Variants in ADAMTS6 observed in about 807,000 individuals in gnomAD.
ADAMTS6 encodes A disintegrin and metalloproteinase with thrombospondin motifs 6.
A neutral mutation model predicts 144.3 loss-of-function variants in ADAMTS6; 23 were observed. That is an observed-to-expected ratio of 0.16 (90% CI 0.11 to 0.23). The LOEUF is 0.23. ADAMTS6 is among the 10% of genes least tolerant of loss of function. ADAMTS6 has a pLI of 1.00. For synonymous variants in ADAMTS6, 444 were observed against 457.5 expected (o/e 0.97, Z 0.38); for missense variants, 999 against 1,379.6 (o/e 0.72, Z 4.37).
chr5:65,178,957 G>A (rs968323704), intron 22 of ADAMTS6, among the ~76,000 whole-genome samples: 7 of 152,072 alleles, frequency 4.6e-5, no homozygotes, highest in Non-Finnish European at 7.4e-5. Context: ...CTCAACCTCC[G>A]AGACCATCCT....
At chr5:65,439,703 T>C (rs1757721779) in intron 7 of ADAMTS6, among the ~76,000 whole-genome samples, 1 of 152,186 alleles carries the variant, frequency 6.6e-6, no homozygotes. Context: ...AGACAACTGA[T>C]AAAATTTGAG....
intron 11 of ADAMTS6, among the ~76,000 whole-genome samples, chr5:65,284,253 G>C (rs1487122169): frequency 2.6e-5 from 4 of 151,968 alleles, no homozygotes; most frequent in African/African-American, 9.7e-5. Flanking sequence ...CCAGGGAAAG[G>C]ATACCTTGAT....
chr5:65,177,810 A>G (rs111636087), intron 22 of ADAMTS6, among the ~76,000 whole-genome samples: 18,321 of 152,276 alleles, frequency 0.12, 1,577 homozygotes, highest in African/African-American at 0.24. Flanking sequence ...ATGGCAGGCC[A>G]GAGGCCCAGA....
intron 7 of ADAMTS6, among the ~76,000 whole-genome samples, chr5:65,394,689 G>A (rs1244375999): frequency 2.0e-5 from 3 of 151,994 alleles, no homozygotes; most frequent in Non-Finnish European, 4.4e-5. Context: ...TCAATGATAT[G>A]GATCTAATAT....
At chr5:65,244,836 T>C (rs1219601604) in intron 14 of ADAMTS6, among the ~76,000 whole-genome samples, 1 of 152,158 alleles carries the variant, frequency 6.6e-6, no homozygotes, top group Non-Finnish European at 1.5e-5. Context: ...TTAGCTTCCT[T>C]AAAATGTACA....
At chr5:65,372,680 C>A (rs1271336353) in intron 7 of ADAMTS6, among the ~76,000 whole-genome samples, 1 of 152,130 alleles carries the variant, frequency 6.6e-6, no homozygotes, top group East Asian at 1.9e-4. Flanking sequence ...ACCCCACTGT[C>A]AACATTAGAC....
At chr5:65,306,960 A>G (rs1005635823) in intron 9 of ADAMTS6, among the ~76,000 whole-genome samples, 2 of 152,200 alleles carry the variant, frequency 1.3e-5, no homozygotes, top group Non-Finnish European at 2.9e-5. Flanking sequence ...AGTAGCAAAT[A>G]TCTTTTCCTC....
intron 7 of ADAMTS6, among the ~76,000 whole-genome samples, chr5:65,407,845 A>G (rs1190955252): frequency 2.0e-5 from 3 of 152,334 alleles, no homozygotes; most frequent in Non-Finnish European, 2.9e-5. Context: ...CTTGGAATCA[A>G]CATTATTAAA....
At chr5:65,348,418 T>C (rs1748548644) in intron 7 of ADAMTS6, among the ~76,000 whole-genome samples, 1 of 152,008 alleles carries the variant, frequency 6.6e-6, no homozygotes, top group Non-Finnish European at 1.5e-5. Context: ...GAGGGACAAA[T>C]ACTGTATGGT....
At chr5:65,319,373 C>T (rs1745310882) in intron 9 of ADAMTS6, among the ~76,000 whole-genome samples, 1 of 151,234 alleles carries the variant, frequency 6.6e-6, no homozygotes, top group Non-Finnish European at 1.5e-5. Flanking sequence ...AAGGAGTAGA[C>T]AATGAAATAG....
At chr5:65,225,995 T>C in intron 16 of ADAMTS6, 91 bp downstream of exon 16, 5 of 1,345,188 alleles carry the variant, frequency 3.7e-6, no homozygotes, top group Non-Finnish European at 4.9e-6. Context: ...CCCCTTTTTT[T>C]AAAAAATTAA....
intron 24 of ADAMTS6, among the ~76,000 whole-genome samples, chr5:65,158,121 G>C (rs1270916128): frequency 6.6e-6 from 1 of 152,124 alleles, no homozygotes; most frequent in Non-Finnish European, 1.5e-5. Context: ...CATGCTAAGT[G>C]AATTACGAAC....
At chr5:65,447,491 C>A (rs1472186543) in intron 7 of ADAMTS6, among the ~76,000 whole-genome samples, 2 of 151,950 alleles carry the variant, frequency 1.3e-5, no homozygotes, top group African/African-American at 4.8e-5. Context: ...AATTTTAAAA[C>A]AACAAAATAC....
Position 65,224,961 on chromosome 5 carries a change from G to A in ADAMTS6, c.2154C>T (p.Ala718=). 1 of 1,613,868 alleles carries A rather than the reference G, an allele frequency of 6.2e-7. No individual in the cohort carries two copies. The change falls in exon 17 of 25, where the codon GCC becomes GCT. Residue 718 remains alanine (A), a synonymous_variant. Coordinates refer to ENST00000381055, the MANE Select transcript of ADAMTS6 (RefSeq NM_197941.4). ...VCGGDGSTCD[A]IEGFFNDSLP... is the part of the protein sequence containing the mutation. ...GTGAATCATTGAAGAACCCTTCAAT[G>A]GCATCACATGTGCTTCCGTCCCCTC...
At position 65,397,272 on chromosome 5, in the gene ADAMTS6, T is replaced by G. The variant is rs78345376; in HGVS notation, c.1073+54203A>C. ...CAATTTTATCTTACCAAATTTTGGT[T>G]TTGTTGATTTTCTTTATTGACTTCC... On this transcript the variant is annotated intron_variant, in intron 7 of 24. Coordinates refer to ENST00000381055, the MANE Select transcript of ADAMTS6 (RefSeq NM_197941.4). Among the ~76,000 whole-genome samples, 892 of 152,230 alleles carry G rather than the reference T, an allele frequency of 5.9e-3. 13 individuals are homozygous for G. The highest frequency in any genetic ancestry group is 0.021 in the African/African-American group (857 of 41,576).
chr5:65,420,942 G>T lies in ADAMTS6; in HGVS notation c.1073+30533C>A, dbSNP rs764823995. Among the ~76,000 whole-genome samples, 5 of 152,114 alleles carry T rather than the reference G, an allele frequency of 3.3e-5. No homozygotes were observed. In the South Asian group the frequency reaches 6.2e-4, roughly 19 times the overall value. On this transcript the variant is annotated intron_variant, in intron 7 of 24. Transcript: ENST00000381055. Reference sequence around the variant, plus strand: ...AAAACATGTTCTACTCCTTTACCTCGAGTCTGTAAGAATTCTTACATGTTA... The same window carrying T: ...AAAACATGTTCTACTCCTTTACCTCTAGTCTGTAAGAATTCTTACATGTTA...
chr5:65,277,435 A>C (rs1182520810), intron 11 of ADAMTS6, among the ~76,000 whole-genome samples: 2 of 152,180 alleles, frequency 1.3e-5, no homozygotes, highest in Non-Finnish European at 2.9e-5. Context: ...CAATGTGAAC[A>C]GGTGCTTGCT....
intron 20 of ADAMTS6, among the ~76,000 whole-genome samples, chr5:65,208,671 C>T (rs1034571594): frequency 5.3e-5 from 8 of 152,090 alleles, no homozygotes; most frequent in African/African-American, 1.9e-4. Flanking sequence ...TATGGAGCTA[C>T]TGAAGATGAT....
intron 4 of ADAMTS6, among the ~76,000 whole-genome samples, chr5:65,457,876 G>A (rs1000739002): frequency 6.6e-6 from 1 of 150,714 alleles, no homozygotes; most frequent in Admixed American, 6.6e-5. Flanking sequence ...ACAGGCGCGT[G>A]CCACGACGCC....
Sources: gnomAD v4.1 joint callset for allele counts (sites outside exome capture counted in the v4.1 genomes callset) on GRCh38, gnomAD v4.1.1 for gene constraint, MANE v1.5 for transcripts, NCBI Gene and HGNC (gene_info 2026-07-23, HGNC 2026-07-21) for gene names.